SIAE: variants seen among roughly 807,000 people sequenced by gnomAD.
The protein encoded by SIAE is sialic acid acetylesterase, also known as sialate O-acetylesterase.
Under a neutral mutation model 52.6 loss-of-function variants are expected in SIAE, and 39 were observed. The observed-to-expected ratio is 0.74, with a 90% CI of 0.57 to 0.97. SIAE has a LOEUF of 0.97. SIAE is among the 50% of genes least tolerant of loss of function. SIAE has a pLI of 0.00. For missense variants in SIAE, 592 were observed against 662.1 expected (o/e 0.89, Z 1.16); for synonymous variants, 233 against 241.4 (o/e 0.97, Z 0.32).
chr11:124,649,247 A>G (rs1942982971), intron 5 of SIAE, among the ~76,000 whole-genome samples: 1 of 151,796 alleles, frequency 6.6e-6, no homozygotes, highest in Non-Finnish European at 1.5e-5. Context: ...GTCTCTCTGA[A>G]ATGTAGTGTC....
intron 2 of SIAE, among the ~76,000 whole-genome samples, chr11:124,666,095 A>T (rs1223977635): frequency 6.6e-6 from 1 of 152,178 alleles, no homozygotes; most frequent in Non-Finnish European, 1.5e-5. Context: ...ACATCGTTTG[A>T]ACCAACCCAG....
chr11:124,648,343 T>C (rs1408877172), intron 5 of SIAE, among the ~76,000 whole-genome samples, 168 bp from the exon 6 acceptor site: 3 of 152,238 alleles, frequency 2.0e-5, no homozygotes, highest in African/African-American at 4.8e-5. Flanking sequence ...GAATATTCTC[T>C]GAATTTCACC....
intron 3 of SIAE, among the ~76,000 whole-genome samples, chr11:124,657,129 C>T (rs556093992): frequency 2.4e-4 from 36 of 152,320 alleles, no homozygotes; most frequent in African/African-American, 7.7e-4. Context: ...GTGGTGGCAG[C>T]TCTAGGCTGT....
At chr11:124,665,462 A>G (rs1165710478) in intron 2 of SIAE, among the ~76,000 whole-genome samples, 1 of 152,180 alleles carries the variant, frequency 6.6e-6, no homozygotes, top group African/African-American at 2.4e-5. Flanking sequence ...GGAGCTTGGA[A>G]ACAGGTAACT....
rs149466359 is a variant in SIAE, at chr11:124,649,707, C to T, written c.634G>A (p.Gly212Arg). 225 of 1,614,064 alleles carry T rather than the reference C, an allele frequency of 1.4e-4. No homozygotes were observed. Among genetic ancestry groups the T allele is most frequent in the African/African-American group, 6.7e-5 (5 of 74,992 alleles). Residue 212 changes from glycine to arginine, a missense_variant, in exon 5 of 10, where the codon GGG (glycine) becomes AGG (arginine). Coordinates refer to ENST00000263593, the MANE Select transcript of SIAE (RefSeq NM_170601.5). The part of the protein sequence containing the change: ...HLYDTLQYPI[G>R]LIASSWGGTP... Reference sequence around the variant, plus strand: ...CCGCCCCAGCTGGAGGCGATCAGCCCGATGGGATACTGCAGAGTGTCATAA... The same window carrying T: ...CCGCCCCAGCTGGAGGCGATCAGCCTGATGGGATACTGCAGAGTGTCATAA...
At chr11:124,673,834 T>G, upstream of SIAE, 5 of 1,030,376 alleles carry the variant, frequency 4.9e-6, no homozygotes, top group South Asian at 7.1e-5. Flanking sequence ...ACCTCAGGAC[T>G]GGGCTGTACT....
chr11:124,675,824 CAAT>C, upstream of SIAE: 1 of 157,386 alleles, frequency 6.4e-6, no homozygotes, highest in South Asian at 1.9e-4. Context: ...GGTTTCCTTT[CAAT>C]TTTGATTCCT....
chr11:124,647,592 G>C (rs967757634), intron 6 of SIAE, 94 bp from the exon 7 acceptor site: 1 of 1,469,904 alleles, frequency 6.8e-7, no homozygotes, highest in African/African-American at 1.4e-5. Context: ...CTGAGGTAGT[G>C]GTCTTCCCAC....
chr11:124,640,351 G>C (rs1410202024), intron 7 of SIAE, among the ~76,000 whole-genome samples: 1 of 152,094 alleles, frequency 6.6e-6, no homozygotes, highest in Non-Finnish European at 1.5e-5. Context: ...CACAGATAAG[G>C]GCCAGTCATA....
intron 2 of SIAE, among the ~76,000 whole-genome samples, chr11:124,666,515 C>T (rs539310522): frequency 5.9e-5 from 9 of 152,214 alleles, no homozygotes; most frequent in Non-Finnish European, 8.8e-5. Flanking sequence ...CCCTTTTCTA[C>T]CAAGTAAATG....
At chr11:124,654,136 C>T (rs1943059498) in intron 4 of SIAE, 1 of 806,118 alleles carries the variant, frequency 1.2e-6, no homozygotes, top group Non-Finnish European at 1.5e-6. Context: ...CAAGATCACA[C>T]CACTGCATTC....
chr11:124,669,788 C>T (rs749332877), intron 1 of SIAE, among the ~76,000 whole-genome samples: 1 of 152,340 alleles, frequency 6.6e-6, no homozygotes, highest in Middle Eastern at 3.4e-3. Context: ...ATAGTCTTCC[C>T]TCTCCTTCAG....
In SIAE at chr11:124,636,925, T is replaced by G. The variant is rs2134348599; in HGVS notation, c.*26A>C. 1.2e-6 allele frequency: 2 copies of G among 1,614,146 alleles called. No homozygotes were observed. The highest frequency in any genetic ancestry group is 1.1e-5 in the South Asian group (1 of 91,074). ...AAAATCTGAAGGACCCATCCTTATA[T>G]CTAAGTTCTGATCATACTGAAACAG... On this transcript the variant is annotated 3_prime_UTR_variant, in exon 10 of 10. Coordinates refer to ENST00000263593, the MANE Select transcript of SIAE (RefSeq NM_170601.5).
upstream of SIAE, chr11:124,674,217 C>T (rs949771223): frequency 1.3e-5 from 2 of 152,220 alleles, no homozygotes; most frequent in Admixed American, 6.5e-5. Flanking sequence ...TGGTTCGATA[C>T]CCCCATCTAC....
At chr11:124,643,912 C>T (rs1289992194) in intron 7 of SIAE, among the ~76,000 whole-genome samples, 1 of 152,118 alleles carries the variant, frequency 6.6e-6, no homozygotes. Context: ...GCATTTTACA[C>T]AGACTGTTCC....
At chr11:124,653,245 T>C (rs1943042770) in intron 4 of SIAE, among the ~76,000 whole-genome samples, 1 of 152,206 alleles carries the variant, frequency 6.6e-6, no homozygotes, top group South Asian at 2.1e-4. Context: ...CTTGCCTGTT[T>C]TACTCACTAC....
rs187329764 is a variant in SIAE, at chr11:124,646,193, G to T, written c.966+1172C>A. ...GGTCAAATATGTTTATTCTTTTTAT[G>T]CAAGGCTGAAAGCAGAATCTTTCTG... On this transcript the variant is annotated intron_variant, in intron 7 of 9. Coordinates refer to ENST00000263593, the MANE Select transcript of SIAE (RefSeq NM_170601.5). 9.2e-5 allele frequency among the ~76,000 whole-genome samples: 14 copies of T among 152,330 alleles called. No individual in the cohort carries two copies. In the East Asian group the frequency reaches 2.7e-3, roughly 29 times the overall value.
intron 7 of SIAE, 120 bp from the exon 8 acceptor site, chr11:124,639,987 T>G: frequency 1.7e-6 from 2 of 1,167,154 alleles, no homozygotes; most frequent in Non-Finnish European, 2.5e-6. Flanking sequence ...AACACGTATT[T>G]ACTGAGCTTC....
rs530968439 is a variant in SIAE, at chr11:124,647,478, T to A, written c.853A>T (p.Asn285Tyr). 15 of 1,614,162 alleles carry A rather than the reference T, an allele frequency of 9.3e-6. No individual in the cohort carries two copies. Among genetic ancestry groups the A allele is most frequent in the African/African-American group, 5.3e-5 (4 of 75,050 alleles). Residue 285 changes from asparagine (N) to tyrosine (Y), a missense_variant, in exon 7 of 10, where the codon AAC (asparagine) becomes TAC (tyrosine). Transcript: ENST00000263593. ...WYQGESNINY[N>Y]TDLYNCTFPA... is the part of the protein sequence containing the mutation. ...AATGTGCAATTGTACAGATCCGTGTTATAATTTATATTGGACTCCCCTAAA... is the reference window on the plus strand; with the variant it reads ...AATGTGCAATTGTACAGATCCGTGTAATAATTTATATTGGACTCCCCTAAA...
Sources: gnomAD v4.1 joint callset for allele counts (sites outside exome capture counted in the v4.1 genomes callset) on GRCh38, gnomAD v4.1.1 for gene constraint, MANE v1.5 for transcripts, NCBI Gene and HGNC (gene_info 2026-07-23, HGNC 2026-07-21) for gene names.